The following KAT6B variants were observed in gnomAD, a reference collection of about 807,000 sequenced individuals.
KAT6B encodes the protein histone acetyltransferase KAT6B.
A neutral mutation model predicts 187.5 loss-of-function variants in KAT6B; 10 were observed. The observed-to-expected ratio is 0.05, with a 90% confidence interval of 0.03 to 0.09. The LOEUF is 0.09. Ranked by LOEUF, KAT6B falls within the 10% of genes least tolerant of loss-of-function variation. KAT6B has a pLI of 1.00. For synonymous variants in KAT6B, 861 were observed against 926.8 expected (o/e 0.93, Z 1.29); for missense variants, 1,952 against 2,558.9 (o/e 0.76, Z 5.12).
intron 3 of KAT6B, among the ~76,000 whole-genome samples, chr10:74,957,246 G>A (rs142953783): frequency 5.2e-4 from 79 of 152,354 alleles, no homozygotes; most frequent in Non-Finnish European, 1.0e-3. Context: ...ACGGAGGTTA[G>A]CAAAAAGTGC....
At chr10:74,864,968 T>C (rs535918230) in intron 3 of KAT6B, among the ~76,000 whole-genome samples, 2 of 152,352 alleles carry the variant, frequency 1.3e-5, no homozygotes, top group Admixed American at 1.3e-4. Context: ...TTTTTTCTTT[T>C]GAAAAGTTTT....
intron 3 of KAT6B, among the ~76,000 whole-genome samples, chr10:74,896,033 T>A (rs889970802): frequency 1.3e-5 from 2 of 152,184 alleles, no homozygotes; most frequent in African/African-American, 4.8e-5. Flanking sequence ...CTCCTTCTTT[T>A]TCTTTTCCTT....
chr10:74,935,070 T>C (rs1054877755), intron 3 of KAT6B, among the ~76,000 whole-genome samples: 1 of 152,244 alleles, frequency 6.6e-6, no homozygotes, highest in Non-Finnish European at 1.5e-5. Flanking sequence ...GGGCCCATTA[T>C]TGAACAATTT....
At chr10:74,913,089 T>C (rs1847366900) in intron 3 of KAT6B, among the ~76,000 whole-genome samples, 1 of 152,302 alleles carries the variant, frequency 6.6e-6, no homozygotes, top group Middle Eastern at 3.4e-3. Context: ...GTATGAGTAG[T>C]TGGAGGGGAA....
chr10:74,926,881 A>G (rs926205910), intron 3 of KAT6B, among the ~76,000 whole-genome samples: 7 of 152,164 alleles, frequency 4.6e-5, no homozygotes, highest in African/African-American at 1.7e-4. Flanking sequence ...ACCTCCAATC[A>G]AGTCAGCTCT....
Position 74,975,726 on chromosome 10 carries a change from T to TCC in KAT6B, c.1390_1391dup (p.Arg465GlnfsTer24). 6.2e-7 allele frequency: 1 copy of TCC among 1,614,176 alleles called. No homozygotes were observed. Among genetic ancestry groups the TCC allele is most frequent in the Non-Finnish European group, 8.5e-7 (1 of 1,180,018 alleles). ...TTATAGACTTTTCAAAGCACTATCG[T>TCC]CCAAGGAAAAAGGTCTCTCAGAAAC... On this transcript the variant is annotated frameshift_variant, in exon 8 of 18. Transcript: ENST00000287239. LOFTEE classifies it high-confidence loss of function.
At chr10:74,901,490 G>T (rs1228242025) in intron 3 of KAT6B, among the ~76,000 whole-genome samples, 1 of 152,138 alleles carries the variant, frequency 6.6e-6, no homozygotes. Context: ...TTCATCCTTG[G>T]GTAAAAACAG....
chr10:74,830,534 C>G (rs1325486009), intron 1 of KAT6B, among the ~76,000 whole-genome samples: 1 of 151,494 alleles, frequency 6.6e-6, no homozygotes, highest in Non-Finnish European at 1.5e-5. Context: ...GTCACCTAGT[C>G]ATAAGGTATG....
intron 13 of KAT6B, among the ~76,000 whole-genome samples, chr10:74,991,005 T>C (rs1843098080): frequency 6.6e-6 from 1 of 152,174 alleles, no homozygotes; most frequent in African/African-American, 2.4e-5. Flanking sequence ...CCTCGTCCTT[T>C]CCTAGACTCC....
chr10:75,029,302 C>T lies in KAT6B; in HGVS notation c.4478C>T (p.Ala1493Val), dbSNP rs369068910. Residue 1493 changes from alanine to valine, a missense_variant, in exon 18 of 18, where the codon GCT (alanine) becomes GTT (valine). By Grantham distance (64) the Ala-to-Val change is moderately conservative. This residue lies in a region of KAT6B where 758 missense variants were observed against 891.4 expected (regional missense o/e 0.85). Transcript: ENST00000287239. This position sits in a 1 kb window ranked among gnomAD's most constrained non-coding sequence, Gnocchi z 6.2. The stretch of plus-strand genomic sequence containing the variant: ...TGTAACAGTGAGCCCAAGGAGCTTG[C>T]TGGGGACCCTGAAGCTGTACCCGAA... ...ASCNSEPKEL[A>V]GDPEAVPESD... The T allele has an allele frequency of 6.6e-5, 107 of 1,614,006 alleles. No individual in the cohort carries two copies. The highest frequency in any genetic ancestry group is 8.6e-5 in the Non-Finnish European group (101 of 1,180,022).
rs771773061 is a variant in KAT6B at position 75,021,873 on chromosome 10, C to A, written c.3022-8C>A. On this transcript the variant is annotated splice_polypyrimidine_tract_variant and splice_region_variant and intron_variant, in intron 15 of 17. Coordinates refer to ENST00000287239, the MANE Select transcript of KAT6B (RefSeq NM_012330.4). ...TCACTGGCCACCATTTTTACCCTCC[C>A]CACTTAGGCTGAGCGGCTAATGGAA... The A allele has an allele frequency of 2.5e-6, 4 of 1,614,130 alleles. No individual in the cohort carries two copies. In the South Asian group the frequency reaches 4.4e-5, roughly 18 times the overall value.
intron 3 of KAT6B, among the ~76,000 whole-genome samples, chr10:74,938,395 T>G (rs1043960069): frequency 2.0e-5 from 3 of 151,930 alleles, no homozygotes; most frequent in Non-Finnish European, 2.9e-5. Flanking sequence ...GCTCCCTACA[T>G]AGACTACCAG....
Position 74,959,963 on chromosome 10 carries a change from G to C in KAT6B, c.622-7G>C. The C allele has an allele frequency of 3.8e-6, 6 of 1,570,250 alleles. No individual in the cohort carries two copies. The highest frequency in any genetic ancestry group is 4.4e-6 in the Non-Finnish European group (5 of 1,140,374). On this transcript the variant is annotated splice_region_variant and splice_polypyrimidine_tract_variant and intron_variant, in intron 3 of 17. Coordinates refer to ENST00000287239, the MANE Select transcript of KAT6B (RefSeq NM_012330.4). The stretch of plus-strand genomic sequence containing the variant: ...TGACAGTATTTTTTATTTTAATTTT[G>C]TCATAGCCCCGTGCTGATCCCATTC...
chr10:75,014,235 GA>G (rs1423189040), intron 13 of KAT6B, among the ~76,000 whole-genome samples: 1 of 152,156 alleles, frequency 6.6e-6, no homozygotes, highest in Non-Finnish European at 1.5e-5. Flanking sequence ...AGCACTTTGG[GA>G]GGCTGAGGTG....
intron 9 of KAT6B, among the ~76,000 whole-genome samples, chr10:74,977,984 A>G (rs905476860): frequency 2.0e-5 from 3 of 152,220 alleles, no homozygotes; most frequent in African/African-American, 7.2e-5. Context: ...TACCACCCAG[A>G]TATTGACAGG....
chr10:74,926,528 T>G (rs1182128826), intron 3 of KAT6B, among the ~76,000 whole-genome samples: 2 of 152,214 alleles, frequency 1.3e-5, no homozygotes, highest in African/African-American at 4.8e-5. Flanking sequence ...GATCACTTAT[T>G]TTATGTATGT....
chr10:74,846,520 C>A (rs1024062707), intron 3 of KAT6B, among the ~76,000 whole-genome samples: 1 of 152,076 alleles, frequency 6.6e-6, no homozygotes, highest in African/African-American at 2.4e-5. Flanking sequence ...CTCACTGCAG[C>A]CTCTGCCTCC....
At chr10:74,913,164 C>T (rs539310620) in intron 3 of KAT6B, among the ~76,000 whole-genome samples, 1 of 152,296 alleles carries the variant, frequency 6.6e-6, no homozygotes, top group South Asian at 2.1e-4. Flanking sequence ...CTACAGGTAT[C>T]TTTTGTTAGA....
At chr10:74,827,577 A>G (rs2131888788) in intron 1 of KAT6B, among the ~76,000 whole-genome samples, 1 of 152,222 alleles carries the variant, frequency 6.6e-6, no homozygotes, top group African/African-American at 2.4e-5. Context: ...AGATGATGCT[A>G]AGACAGCAGA....
Sources: allele counts gnomAD v4.1 joint callset (sites outside exome capture counted in the v4.1 genomes callset), GRCh38; gene constraint gnomAD v4.1.1; regional missense constraint gnomAD v4.1.1; non-coding constraint Gnocchi (gnomAD v3.1); transcripts MANE v1.5; gene names NCBI Gene and HGNC (gene_info 2026-07-23, HGNC 2026-07-21).